The following CNTN5 variants were observed in gnomAD, a reference collection of about 807,000 sequenced individuals.
The protein encoded by CNTN5 is contactin 5.
CNTN5 carries 77 observed loss-of-function variants against 129.1 expected under a neutral mutation model. The observed-to-expected ratio is 0.60, with a 90% CI of 0.50 to 0.72. The LOEUF is 0.72. Ranked by LOEUF, CNTN5 falls within the 30% of genes least tolerant of loss-of-function variation. The pLI is 0.00. For missense variants in CNTN5, 1,478 were observed against 1,328.8 expected, an observed-to-expected ratio of 1.11 and a Z score of -1.75; for synonymous variants, 509 against 465.6, an observed-to-expected ratio of 1.09 and a Z score of -1.20.
chr11:99,471,934 T>C (rs1249776199), intron 2 of CNTN5, among the ~76,000 whole-genome samples: 3 of 152,148 alleles, frequency 2.0e-5, no homozygotes, highest in Non-Finnish European at 4.4e-5. Context: ...TCTGCATTTA[T>C]TGAATGAATT....
At chr11:99,539,550 T>C (rs11220368) in intron 2 of CNTN5, among the ~76,000 whole-genome samples, 12,684 of 152,130 alleles carry the variant, frequency 0.083, 619 homozygotes, top group African/African-American at 0.12. Flanking sequence ...ATTTATTTCA[T>C]GTAAGTATCA....
At chr11:99,926,356 G>C (rs1434853786) in intron 7 of CNTN5, among the ~76,000 whole-genome samples, 1 of 152,130 alleles carries the variant, frequency 6.6e-6, no homozygotes, top group Non-Finnish European at 1.5e-5. Context: ...TGACAGTTAA[G>C]TGAAAGGGCA....
intron 1 of CNTN5, among the ~76,000 whole-genome samples, chr11:99,040,963 G>T (rs544909108): frequency 1.3e-5 from 2 of 152,196 alleles, no homozygotes; most frequent in African/African-American, 4.8e-5. Flanking sequence ...CCAATCATCA[G>T]CATCATCATC....
intron 7 of CNTN5, among the ~76,000 whole-genome samples, chr11:99,918,598 C>T (rs951818029): frequency 6.6e-6 from 1 of 152,088 alleles, no homozygotes; most frequent in Non-Finnish European, 1.5e-5. Context: ...AAGTCACACA[C>T]CAATTAGCAT....
chr11:99,048,596 A>AT (rs1231044008), intron 1 of CNTN5, among the ~76,000 whole-genome samples: 10 of 152,258 alleles, frequency 6.6e-5, no homozygotes, highest in African/African-American at 1.4e-4. Flanking sequence ...CCTGAAGTGT[A>AT]TTTTTCTGGT....
chr11:99,586,150 T>G (rs1949785802), intron 3 of CNTN5, among the ~76,000 whole-genome samples: 1 of 152,138 alleles, frequency 6.6e-6, no homozygotes, highest in South Asian at 2.1e-4. Context: ...TGCAATCAGT[T>G]TTTATTTTTT....
chr11:99,930,359 T>G (rs1450387951), intron 7 of CNTN5, among the ~76,000 whole-genome samples: 1 of 152,196 alleles, frequency 6.6e-6, no homozygotes, highest in Non-Finnish European at 1.5e-5. Flanking sequence ...TGACCCTTAC[T>G]GTGTATGCCT....
At chr11:100,176,045 G>A (rs781782238) in intron 13 of CNTN5, among the ~76,000 whole-genome samples, 1 of 151,582 alleles carries the variant, frequency 6.6e-6, no homozygotes, top group Non-Finnish European at 1.5e-5. Flanking sequence ...TTCTTGAGAT[G>A]GAGTCTCACC....
chr11:99,245,254 T>A (rs73534949), intron 1 of CNTN5, among the ~76,000 whole-genome samples: 2,570 of 152,290 alleles, frequency 0.017, 82 homozygotes, highest in African/African-American at 0.059. Context: ...ACTGGAGATA[T>A]AACTGCATTT....
chr11:99,086,419 C>T (rs1350674292), intron 1 of CNTN5, among the ~76,000 whole-genome samples: 4 of 152,182 alleles, frequency 2.6e-5, no homozygotes, highest in Non-Finnish European at 4.4e-5. Flanking sequence ...CCAGCATCCA[C>T]CTCTGGTGAG....
intron 6 of CNTN5, among the ~76,000 whole-genome samples, chr11:99,912,965 T>C (rs1437934284): frequency 3.3e-5 from 5 of 152,080 alleles, no homozygotes; most frequent in African/African-American, 1.2e-4. Context: ...TGTAAAGGTA[T>C]AAAATAGAAC....
chr11:100,041,498 A>C (rs958910875), intron 9 of CNTN5, among the ~76,000 whole-genome samples: 2 of 152,178 alleles, frequency 1.3e-5, no homozygotes, highest in Non-Finnish European at 2.9e-5. Context: ...TCTCTTGGCT[A>C]CTTTCAAACT....
chr11:99,794,202 C>T (rs58583989), intron 3 of CNTN5, among the ~76,000 whole-genome samples: 9,109 of 146,340 alleles, frequency 0.062, 337 homozygotes, highest in African/African-American at 0.1. Context: ...TTTTAATCTT[C>T]GTAGGCTTAC....
intron 2 of CNTN5, among the ~76,000 whole-genome samples, chr11:99,356,465 C>A (rs1211533134): frequency 1.3e-5 from 2 of 152,102 alleles, no homozygotes; most frequent in Admixed American, 6.6e-5. Flanking sequence ...CTTATTAGTC[C>A]ACACTCATAT....
At chr11:100,273,532 A>G (rs887061890) in intron 18 of CNTN5, among the ~76,000 whole-genome samples, 1 of 151,848 alleles carries the variant, frequency 6.6e-6, no homozygotes, top group African/African-American at 2.4e-5. Context: ...ATCCTCCCCC[A>G]CCTTGAGTGA....
intron 1 of CNTN5, among the ~76,000 whole-genome samples, chr11:99,042,320 C>T (rs11218163): frequency 0.013 from 1,931 of 149,352 alleles, 45 homozygotes; most frequent in African/African-American, 0.045. Context: ...TATACCTATG[C>T]AACAAACCTG....
rs1949784660 is a variant in CNTN5 at position 99,916,153 on chromosome 11, C to A, written c.673+4C>A. 1 of 1,607,850 alleles carries A rather than the reference C, an allele frequency of 6.2e-7. No homozygotes were observed. The highest frequency in any genetic ancestry group is 1.7e-5 in the Admixed American group (1 of 59,474). On this transcript the variant is annotated splice_donor_region_variant and intron_variant, in intron 7 of 24. Coordinates refer to ENST00000524871, the MANE Select transcript of CNTN5 (RefSeq NM_014361.4). Reference sequence around the variant, plus strand: ...TCTCCTCCGCCACATTCACCAGGTACAGTAGGATCTCATTCTTTGCTGCTG... The same window carrying A: ...TCTCCTCCGCCACATTCACCAGGTAAAGTAGGATCTCATTCTTTGCTGCTG...
At chr11:99,867,890 G>T (rs114065325) in intron 6 of CNTN5, among the ~76,000 whole-genome samples, 1,595 of 152,168 alleles carry the variant, frequency 0.01, 25 homozygotes, top group African/African-American at 0.036. Context: ...TGCCAGATAT[G>T]GTATACAAGA....
At chr11:99,282,584 T>C (rs1007348129) in intron 1 of CNTN5, among the ~76,000 whole-genome samples, 8 of 152,104 alleles carry the variant, frequency 5.3e-5, no homozygotes, top group Non-Finnish European at 1.0e-4. Flanking sequence ...ATTCATATTA[T>C]GTCTAACAAT....
Sources: gnomAD v4.1 joint callset for allele counts (sites outside exome capture counted in the v4.1 genomes callset) on GRCh38, gnomAD v4.1.1 for gene constraint, MANE v1.5 for transcripts, NCBI Gene and HGNC (gene_info 2026-07-23, HGNC 2026-07-21) for gene names.